The following FHL5 variants were observed in gnomAD, a reference collection of about 807,000 sequenced individuals.
FHL5 encodes four and a half LIM domains 5.
Under a neutral mutation model 32.0 loss-of-function variants are expected in FHL5, and 33 were observed. That is an observed-to-expected ratio of 1.03 (90% CI 0.78 to 1.38). FHL5 has a LOEUF of 1.38. FHL5 is among the 40% of genes most tolerant of loss of function. The pLI is 0.00. For synonymous variants in FHL5, 114 were observed against 113.6 expected, an observed-to-expected ratio of 1.00 and a Z score of -0.02; for missense variants, 336 against 343.9, an observed-to-expected ratio of 0.98 and a Z score of 0.18.
intron 1 of FHL5, among the ~76,000 whole-genome samples, chr6:96,572,696 T>G (rs1477017573): frequency 1.3e-5 from 2 of 152,142 alleles, no homozygotes; most frequent in Admixed American, 6.5e-5. Flanking sequence ...GTGGGCTTGG[T>G]GCCTAAGAAG....
chr6:96,583,938 T>A (rs1362134726), intron 1 of FHL5, among the ~76,000 whole-genome samples: 1 of 152,176 alleles, frequency 6.6e-6, no homozygotes, highest in Non-Finnish European at 1.5e-5. Flanking sequence ...TTTATTCTAT[T>A]CATAGAATTC....
At chr6:96,603,823 T>C (rs759524985) in intron 2 of FHL5, 51 bp downstream of exon 2, 1 of 1,407,372 alleles carries the variant, frequency 7.1e-7, no homozygotes, top group Non-Finnish European at 9.8e-7. Flanking sequence ...AGCAAACAAG[T>C]GGGTTGGAGT....
At chr6:96,584,454 TGTGTGTTTG>T (rs1770756720) in intron 1 of FHL5, among the ~76,000 whole-genome samples, 1 of 149,010 alleles carries the variant, frequency 6.7e-6, no homozygotes, top group Non-Finnish European at 1.5e-5. Context: ...TGTGTGTGTG[TGTGTGTTTG>T]TGTGTGTGTG....
intron 1 of FHL5, among the ~76,000 whole-genome samples, chr6:96,585,015 C>T (rs1429648262): frequency 3.3e-5 from 5 of 152,134 alleles, no homozygotes. Context: ...GTATACCTTG[C>T]TCAGTCAGGC....
chr6:96,581,866 G>A (rs1008848167), intron 1 of FHL5, among the ~76,000 whole-genome samples: 1 of 152,170 alleles, frequency 6.6e-6, no homozygotes, highest in Non-Finnish European at 1.5e-5. Context: ...AAGAGGTGGA[G>A]GGGAATACTT....
chr6:96,601,068 G>C (rs1201096123), intron 1 of FHL5, among the ~76,000 whole-genome samples: 1 of 152,232 alleles, frequency 6.6e-6, no homozygotes, highest in Non-Finnish European at 1.5e-5. Flanking sequence ...AGGCGCGGTG[G>C]CTCACGCCTG....
intron 3 of FHL5, 108 bp downstream of exon 3, chr6:96,605,032 A>T (rs746750021): frequency 5.7e-6 from 4 of 696,504 alleles, no homozygotes; most frequent in Non-Finnish European, 9.1e-6. Context: ...TTTGAGAAAG[A>T]TATCTTTCTT....
At chr6:96,569,898 G>A (rs1002398308) in intron 1 of FHL5, among the ~76,000 whole-genome samples, 1 of 151,096 alleles carries the variant, frequency 6.6e-6, no homozygotes, top group African/African-American at 2.4e-5. Flanking sequence ...TACAGCCAAG[G>A]TTATTATTGA....
At chr6:96,596,193 G>A (rs923995610) in intron 1 of FHL5, among the ~76,000 whole-genome samples, 2 of 151,972 alleles carry the variant, frequency 1.3e-5, no homozygotes, top group Admixed American at 6.6e-5. Context: ...GACATCCTCA[G>A]GACAAATGGC....
In FHL5 at chr6:96,618,399, G is replaced by C. The variant is rs1473713183; in HGVS notation, c.*2627G>C. 2.0e-5 allele frequency among the ~76,000 whole-genome samples: 3 copies of C among 152,184 alleles called. No individual in the cohort carries two copies. Among genetic ancestry groups the C allele is most frequent in the Non-Finnish European group, 2.9e-5 (2 of 68,038 alleles). ...AGGAGAAAATAAGATTGCTAAAAGA[G>C]AAAGAGTCAGAGGAAGGGAGAATAT... On this transcript the variant is annotated 3_prime_UTR_variant, in exon 6 of 6. Transcript: ENST00000450218.
At position 96,617,655 on chromosome 6, in the gene FHL5, C is replaced by A. The variant is rs1771549862; in HGVS notation, c.*1883C>A. ...CACATTACACATAGAGAAAACCAAG[C>A]CACTTAGGTTTAGATAGATATATAA... On this transcript the variant is annotated 3_prime_UTR_variant, in exon 6 of 6. Coordinates refer to ENST00000450218, the MANE Select transcript of FHL5 (RefSeq NM_001322466.2). 6.6e-6 allele frequency among the ~76,000 whole-genome samples: 1 copy of A among 152,054 alleles called. No homozygotes were observed. The highest frequency in any genetic ancestry group is 2.4e-5 in the African/African-American group (1 of 41,388).
intron 1 of FHL5, among the ~76,000 whole-genome samples, chr6:96,582,426 T>TA (rs1232230728): frequency 6.6e-6 from 1 of 152,196 alleles, no homozygotes; most frequent in Non-Finnish European, 1.5e-5. Flanking sequence ...GAATGTTTGA[T>TA]AAAATATTGT....
chr6:96,603,673 T>C lies in FHL5; in HGVS notation c.60T>C (p.Tyr20=), dbSNP rs1266009792. ...YCTASLLGKK[Y]VLKDDSPYCV... ...CAGCATCACTTCTTGGGAAGAAATA[T>C]GTACTAAAGGATGACAGTCCATACT... is the stretch of plus-strand genomic sequence containing the variant. The change falls in exon 2 of 6, where the codon TAT becomes TAC. Residue 20 remains tyrosine, a synonymous_variant. Coordinates refer to ENST00000450218, the MANE Select transcript of FHL5 (RefSeq NM_001322466.2). The C allele has an allele frequency of 6.8e-6, 11 of 1,612,812 alleles. No individual in the cohort carries two copies. The highest frequency in any genetic ancestry group is 9.3e-6 in the Non-Finnish European group (11 of 1,179,302).
chr6:96,566,861 G>A (rs1770368980), intron 1 of FHL5, among the ~76,000 whole-genome samples: 1 of 151,552 alleles, frequency 6.6e-6, no homozygotes, highest in Admixed American at 6.6e-5. Flanking sequence ...ATTTGCTATT[G>A]AGCTCATTTT....
intron 1 of FHL5, among the ~76,000 whole-genome samples, chr6:96,598,503 G>A (rs1183374404): frequency 6.6e-6 from 1 of 152,172 alleles, no homozygotes; most frequent in Admixed American, 6.5e-5. Flanking sequence ...AGTTGTTCCT[G>A]AATTTTTCCT....
intron 1 of FHL5, among the ~76,000 whole-genome samples, chr6:96,573,250 T>A (rs766836152): frequency 6.6e-6 from 1 of 152,212 alleles, no homozygotes; most frequent in Non-Finnish European, 1.5e-5. Flanking sequence ...AGGCTCCTAT[T>A]GACAAGGAAC....
At chr6:96,573,509 C>T (rs1431707273) in intron 1 of FHL5, among the ~76,000 whole-genome samples, 1 of 150,284 alleles carries the variant, frequency 6.7e-6, no homozygotes, top group Non-Finnish European at 1.5e-5. Flanking sequence ...GATAGTCACA[C>T]TATCACAAAA....
intron 1 of FHL5, among the ~76,000 whole-genome samples, chr6:96,575,470 G>A (rs575364615): frequency 1.2e-4 from 19 of 152,326 alleles, no homozygotes; most frequent in Admixed American, 1.2e-3. Flanking sequence ...GGAGTAGAGA[G>A]CCTGGATCTT....
At chr6:96,584,134 C>T (rs1770748870) in intron 1 of FHL5, among the ~76,000 whole-genome samples, 1 of 152,040 alleles carries the variant, frequency 6.6e-6, no homozygotes, top group African/African-American at 2.4e-5. Context: ...GTGAGAAAGA[C>T]ATACATAGGA....
Sources: gnomAD v4.1 joint callset for allele counts (sites outside exome capture counted in the v4.1 genomes callset) on GRCh38, gnomAD v4.1.1 for gene constraint, MANE v1.5 for transcripts, NCBI Gene and HGNC (gene_info 2026-07-23, HGNC 2026-07-21) for gene names.